Variants in DCDC1 observed in about 807,000 individuals in gnomAD.
The protein encoded by DCDC1 is doublecortin domain containing 1.
DCDC1 carries 200 observed loss-of-function variants against 178.3 expected under a neutral mutation model. The observed-to-expected ratio is 1.12, with a 90% CI of 1.00 to 1.26. The LOEUF is 1.26. Ranked by LOEUF, DCDC1 falls within the 50% of genes most tolerant of loss-of-function variation. The pLI, the probability that DCDC1 is intolerant of heterozygous loss-of-function variation, is 0.00. For synonymous variants in DCDC1, 690 were observed against 604.8 expected (o/e 1.14, Z -2.07); for missense variants, 1,983 against 1,749.2 (o/e 1.13, Z -2.38).
intron 9 of DCDC1, among the ~76,000 whole-genome samples, chr11:31,152,666 A>ATTTACTGTCTTTCTACTT (rs1311321258): frequency 6.6e-6 from 1 of 152,102 alleles, no homozygotes; most frequent in Non-Finnish European, 1.5e-5. Context: ...TGTTGAAATT[A>ATTTACTGTCTTTCTACTT]TTTACTGTCT....
intron 20 of DCDC1, among the ~76,000 whole-genome samples, chr11:31,046,360 G>A (rs531994012): frequency 1.1e-4 from 17 of 151,942 alleles, no homozygotes; most frequent in African/African-American, 3.9e-4. Context: ...TGTAAATATG[G>A]AGTGCTACCC....
intron 23 of DCDC1, among the ~76,000 whole-genome samples, chr11:30,924,063 C>G (rs1946438159): frequency 6.6e-6 from 1 of 152,192 alleles, no homozygotes; most frequent in Non-Finnish European, 1.5e-5. Flanking sequence ...ACTCCTGGCT[C>G]CATCTTATCC....
At position 30,878,712 on chromosome 11, in the gene DCDC1, C is replaced by G; in HGVS notation, c.5234-1G>C. The G allele has an allele frequency of 6.7e-7, 1 of 1,484,400 alleles. No individual in the cohort carries two copies. Among genetic ancestry groups the G allele is most frequent in the Non-Finnish European group, 9.0e-7 (1 of 1,116,612 alleles). The allele number at this position is 1,484,400 out of a possible 1,614,324, so 92.0% of individuals were successfully genotyped here. A position where few individuals can be genotyped will look rare whatever the true frequency, so the allele number is the denominator to read the frequency against. ...CTGATCTCCATCAGTTGTTTTAACT[C>G]TGTTAAAAAAAAAAAAAAAAGAAGT... On this transcript the variant is annotated splice_acceptor_variant, in intron 37 of 38. Transcript: ENST00000684477. LOFTEE classifies it high-confidence loss of function.
At chr11:30,888,889 C>T (rs1222948619) in intron 36 of DCDC1, among the ~76,000 whole-genome samples, 3 of 152,162 alleles carry the variant, frequency 2.0e-5, no homozygotes, top group Non-Finnish European at 4.4e-5. Flanking sequence ...TAATTGCTCA[C>T]CCACAGTCTA....
At chr11:31,120,411 A>G (rs1960623387) in intron 11 of DCDC1, among the ~76,000 whole-genome samples, 1 of 152,118 alleles carries the variant, frequency 6.6e-6, no homozygotes, top group Non-Finnish European at 1.5e-5. Flanking sequence ...GTCATAAAAT[A>G]CTTCTGTGTA....
intron 7 of DCDC1, among the ~76,000 whole-genome samples, chr11:31,279,851 G>A (rs1189371551): frequency 2.0e-5 from 3 of 151,852 alleles, no homozygotes; most frequent in East Asian, 1.9e-4. Context: ...AAACCTGAAC[G>A]TTCTGCACAT....
intron 37 of DCDC1, among the ~76,000 whole-genome samples, chr11:30,879,705 G>C (rs532200603): frequency 6.6e-6 from 1 of 152,150 alleles, no homozygotes; most frequent in Non-Finnish European, 1.5e-5. Context: ...ATGGTAGAAA[G>C]AGCAATATTT....
At chr11:30,905,205 T>A in intron 30 of DCDC1, 41 bp from the exon 31 acceptor site, 1 of 1,539,658 alleles carries the variant, frequency 6.5e-7, no homozygotes, top group Non-Finnish European at 8.8e-7. Context: ...ACTCAAACTT[T>A]CTTGTTTTAG....
chr11:31,195,768 GT>G (rs766300578), intron 9 of DCDC1, among the ~76,000 whole-genome samples: 157 of 150,092 alleles, frequency 1.0e-3, no homozygotes, highest in African/African-American at 3.1e-3. Flanking sequence ...AAATATTTTT[GT>G]TTTTTTTTAC....
At chr11:31,322,679 C>G (rs1949431202) in intron 3 of DCDC1, among the ~76,000 whole-genome samples, 2 of 152,126 alleles carry the variant, frequency 1.3e-5, no homozygotes, top group Non-Finnish European at 2.9e-5. Context: ...AGGGGTCAAG[C>G]CAAAGGATCT....
At chr11:31,122,551 T>C (rs189141899) in intron 11 of DCDC1, among the ~76,000 whole-genome samples, 9 of 152,042 alleles carry the variant, frequency 5.9e-5, no homozygotes, top group Admixed American at 5.2e-4. Context: ...TAATAAAATA[T>C]CTAATACTTT....
chr11:31,186,661 G>T (rs1049921482), intron 9 of DCDC1, among the ~76,000 whole-genome samples: 1 of 152,226 alleles, frequency 6.6e-6, no homozygotes, highest in Non-Finnish European at 1.5e-5. Flanking sequence ...CTGCCTACTG[G>T]GTTGAATCTG....
chr11:31,143,397 A>G (rs1455736719), intron 9 of DCDC1, among the ~76,000 whole-genome samples: 2 of 152,172 alleles, frequency 1.3e-5, no homozygotes, highest in Non-Finnish European at 2.9e-5. Context: ...GGGAGAAGAC[A>G]AGCTGAACCT....
chr11:31,140,851 C>T (rs1312971486), intron 9 of DCDC1, among the ~76,000 whole-genome samples: 1 of 152,172 alleles, frequency 6.6e-6, no homozygotes, highest in African/African-American at 2.4e-5. Context: ...TATCAGTTTA[C>T]TTAAAACTAT....
At chr11:31,368,158 T>C (rs1489906206) in intron 1 of DCDC1, among the ~76,000 whole-genome samples, 2 of 152,164 alleles carry the variant, frequency 1.3e-5, no homozygotes, top group Non-Finnish European at 2.9e-5. Context: ...ATTTTAGGGA[T>C]GCAAACTAAA....
rs554003470 is a variant in DCDC1 at position 31,148,789 on chromosome 11, C to T, written c.1222-11005G>A. Among the ~76,000 whole-genome samples, 385 of 151,438 alleles carry T rather than the reference C, an allele frequency of 2.5e-3. 4 individuals carry two copies. The highest frequency in any genetic ancestry group is 8.8e-3 in the African/African-American group (364 of 41,310). ...TAGTTTTCAAGGTACAGATGGTTTT[C>T]GGTTACATGGATAAGTTCTTTAGTG... On this transcript the variant is annotated intron_variant, in intron 9 of 38. Coordinates refer to ENST00000684477, the MANE Select transcript of DCDC1 (RefSeq NM_001387274.1).
rs1405576644 is a variant in DCDC1 at position 31,065,156 on chromosome 11, G to A, written c.2299-3C>T. ...GTCAGAACAAACTGAGGATAAGCCT[G>A]TAAGAAAGGAAAAAATAACAAGTAG... is the stretch of plus-strand genomic sequence containing the variant. On this transcript the variant is annotated splice_region_variant and splice_polypyrimidine_tract_variant and intron_variant, in intron 18 of 38. Coordinates refer to ENST00000684477, the MANE Select transcript of DCDC1 (RefSeq NM_001387274.1). 2 of 739,874 alleles carry A rather than the reference G, an allele frequency of 2.7e-6. No individual in the cohort carries two copies. The highest frequency in any genetic ancestry group is 4.9e-6 in the Non-Finnish European group (2 of 409,630). The allele number at this position is 739,874 out of a possible 1,614,324, so 45.8% of individuals were successfully genotyped here.
intron 8 of DCDC1, among the ~76,000 whole-genome samples, chr11:31,250,927 G>A (rs1412752477): frequency 6.6e-6 from 1 of 151,852 alleles, no homozygotes; most frequent in Non-Finnish European, 1.5e-5. Flanking sequence ...GCTAATTTTT[G>A]TATTTTTAGC....
intron 22 of DCDC1, among the ~76,000 whole-genome samples, chr11:30,927,351 G>C (rs896904523): frequency 2.6e-5 from 4 of 151,094 alleles, no homozygotes; most frequent in African/African-American, 9.8e-5. Flanking sequence ...AGTTCCTTGA[G>C]AGCAAGCAAT....
Sources: allele counts gnomAD v4.1 joint callset (sites outside exome capture counted in the v4.1 genomes callset), GRCh38; gene constraint gnomAD v4.1.1; transcripts MANE v1.5; gene names NCBI Gene and HGNC (gene_info 2026-07-23, HGNC 2026-07-21).